The following CPA6 variants were observed in gnomAD, a reference collection of about 807,000 sequenced individuals.
The protein encoded by CPA6 is carboxypeptidase B.
A neutral mutation model predicts 63.3 loss-of-function variants in CPA6; 58 were observed. The observed-to-expected ratio is 0.92, with a 90% confidence interval of 0.74 to 1.14. CPA6 has a LOEUF of 1.14. CPA6 is among the 50% of genes most tolerant of loss of function. The probability of loss-of-function intolerance (pLI) is 0.00; values close to 1 mark genes in which losing one functional copy is unlikely to be tolerated. For synonymous variants in CPA6, 185 were observed against 179.0 expected (o/e 1.03, Z -0.27); for missense variants, 565 against 526.6 (o/e 1.07, Z -0.71).
At chr8:67,714,904 A>G (rs1817346258) in intron 1 of CPA6, among the ~76,000 whole-genome samples, 1 of 152,150 alleles carries the variant, frequency 6.6e-6, no homozygotes, top group Admixed American at 6.6e-5. Context: ...ATTTAAAAAT[A>G]TATACATTTT....
chr8:67,522,515 G>A (rs147952645), intron 2 of CPA6, among the ~76,000 whole-genome samples: 91 of 152,330 alleles, frequency 6.0e-4, no homozygotes, highest in African/African-American at 1.8e-3. Flanking sequence ...AGTTGCAGGC[G>A]CAGGACTGAA....
chr8:67,453,471 A>G (rs961376955), intron 8 of CPA6, among the ~76,000 whole-genome samples: 8 of 152,206 alleles, frequency 5.3e-5, no homozygotes, highest in African/African-American at 1.9e-4. Context: ...GATGTCTATT[A>G]GATACCCCCA....
chr8:67,613,192 T>C (rs1814855511), intron 2 of CPA6, among the ~76,000 whole-genome samples: 1 of 152,230 alleles, frequency 6.6e-6, no homozygotes, highest in Non-Finnish European at 1.5e-5. Flanking sequence ...GATACCTGTT[T>C]GCTCCATCAT....
intron 7 of CPA6, among the ~76,000 whole-genome samples, chr8:67,484,138 C>T (rs1247042106): frequency 1.3e-5 from 2 of 151,796 alleles, no homozygotes; most frequent in Non-Finnish European, 1.5e-5. Context: ...GGCACGATCT[C>T]GGCTCACTGC....
chr8:67,439,939 T>C (rs1205697652), intron 8 of CPA6, among the ~76,000 whole-genome samples: 1 of 152,110 alleles, frequency 6.6e-6, no homozygotes, highest in Non-Finnish European at 1.5e-5. Flanking sequence ...TGTTTTCATA[T>C]AGAAAAATAA....
At chr8:67,565,696 T>TC (rs1014093358) in intron 2 of CPA6, among the ~76,000 whole-genome samples, 3 of 152,220 alleles carry the variant, frequency 2.0e-5, no homozygotes, top group Non-Finnish European at 4.4e-5. Flanking sequence ...TTAGTTTTTT[T>TC]CCCAAGAGAA....
At chr8:67,647,155 C>G (rs1408646974) in intron 1 of CPA6, among the ~76,000 whole-genome samples, 1 of 151,812 alleles carries the variant, frequency 6.6e-6, no homozygotes, top group Non-Finnish European at 1.5e-5. Flanking sequence ...GAGGGAGAAC[C>G]AACAGGGTCC....
intron 1 of CPA6, among the ~76,000 whole-genome samples, chr8:67,661,047 T>G (rs1461502916): frequency 6.6e-6 from 1 of 152,214 alleles, no homozygotes; most frequent in Non-Finnish European, 1.5e-5. Context: ...TATTCAAGTA[T>G]TTACTGAATG....
At chr8:67,549,686 C>T (rs1340634173) in intron 2 of CPA6, among the ~76,000 whole-genome samples, 4 of 152,174 alleles carry the variant, frequency 2.6e-5, no homozygotes, top group Admixed American at 6.5e-5. Flanking sequence ...CTCTCTGCTT[C>T]GGTAAATTTG....
intron 1 of CPA6, among the ~76,000 whole-genome samples, chr8:67,727,463 A>G (rs1817619885): frequency 6.6e-6 from 1 of 152,136 alleles, no homozygotes; most frequent in African/African-American, 2.4e-5. Flanking sequence ...CCCCACAGGG[A>G]GAGGCTGCCT....
At chr8:67,718,234 A>C (rs1817419703) in intron 1 of CPA6, among the ~76,000 whole-genome samples, 1 of 152,198 alleles carries the variant, frequency 6.6e-6, no homozygotes, top group South Asian at 2.1e-4. Context: ...CAATTAAGAA[A>C]ACAAGGTAAC....
intron 2 of CPA6, among the ~76,000 whole-genome samples, chr8:67,552,383 A>G (rs1587551319): frequency 6.6e-6 from 1 of 152,346 alleles, no homozygotes; most frequent in East Asian, 1.9e-4. Context: ...GGCTTTTAGC[A>G]GACTATGTGC....
At chr8:67,488,685 G>T (rs1301157812) in intron 6 of CPA6, among the ~76,000 whole-genome samples, 2 of 152,186 alleles carry the variant, frequency 1.3e-5, no homozygotes, top group Non-Finnish European at 1.5e-5. Context: ...CTATCCATGA[G>T]CATGGAATGT....
intron 2 of CPA6, among the ~76,000 whole-genome samples, chr8:67,568,861 C>T (rs1015203457): frequency 2.0e-5 from 3 of 152,188 alleles, no homozygotes; most frequent in Admixed American, 6.5e-5. Flanking sequence ...GGTGATTCTA[C>T]TGCCTCGGCC....
At chr8:67,475,883 TTTCTTTC>T (rs1563968050) in intron 8 of CPA6, among the ~76,000 whole-genome samples, 484 of 38,946 alleles carry the variant, frequency 0.012, 18 homozygotes, top group African/African-American at 0.045. Flanking sequence ...TTCTTTCTCC[TTTCTTTC>T]TTTCTTTCTT....
intron 1 of CPA6, among the ~76,000 whole-genome samples, chr8:67,676,497 C>T (rs187448331): frequency 4.6e-5 from 7 of 152,312 alleles, no homozygotes; most frequent in East Asian, 1.9e-4. Context: ...CTTCAAAAGG[C>T]GTAGCTTGTG....
chr8:67,433,998 G>A, intron 9 of CPA6, 40 bp downstream of exon 9: 1 of 1,419,468 alleles, frequency 7.0e-7, no homozygotes, highest in Non-Finnish European at 9.9e-7. Flanking sequence ...CAGAAAAGCA[G>A]CATGAAGCCT....
chr8:67,608,120 A>G (rs1331715187), intron 2 of CPA6, among the ~76,000 whole-genome samples: 1 of 152,194 alleles, frequency 6.6e-6, no homozygotes. Context: ...TTCAGCTGAG[A>G]AAAAGCCCAC....
chr8:67,526,320 C>T (rs1812361962), intron 2 of CPA6, among the ~76,000 whole-genome samples: 1 of 152,102 alleles, frequency 6.6e-6, no homozygotes, highest in East Asian at 1.9e-4. Flanking sequence ...CTGACATTAG[C>T]CAGAAAAGGG....
Sources: allele counts gnomAD v4.1 joint callset (sites outside exome capture counted in the v4.1 genomes callset), GRCh38; gene constraint gnomAD v4.1.1; transcripts MANE v1.5; gene names NCBI Gene and HGNC (gene_info 2026-07-23, HGNC 2026-07-21).